Variants in BNC2 observed in about 807,000 individuals in gnomAD.
BNC2 encodes basonuclin zinc finger protein 2, also known as zinc finger protein basonuclin-2.
In BNC2, 20 loss-of-function variants were observed where a neutral mutation model predicts 76.3. The ratio of observed to expected loss-of-function variants is 0.26; its 90% confidence interval spans 0.18 to 0.38. The LOEUF (loss-of-function observed/expected upper bound fraction) is 0.38, where lower values mean the gene tolerates loss of function less well. Among genes scored for constraint, BNC2 ranks in the 10% least tolerant of loss-of-function variants. The probability of loss-of-function intolerance (pLI) is 1.00; values close to 1 mark genes in which losing one functional copy is unlikely to be tolerated. For synonymous variants in BNC2, 582 were observed against 514.8 expected (o/e 1.13, Z -1.77); for missense variants, 1,382 against 1,399.8 (o/e 0.99, Z 0.20).
At chr9:16,587,695 A>G (rs1036415768) in intron 3 of BNC2, among the ~76,000 whole-genome samples, 1 of 152,034 alleles carries the variant, frequency 6.6e-6, no homozygotes, top group African/African-American at 2.4e-5. Context: ...GTGGCTGTCC[A>G]TTCTCCTTGG....
At chr9:16,494,865 G>A (rs1340255013) in intron 5 of BNC2, among the ~76,000 whole-genome samples, 1 of 152,112 alleles carries the variant, frequency 6.6e-6, no homozygotes, top group Non-Finnish European at 1.5e-5. Flanking sequence ...AGCATTAGGA[G>A]AAATACCTAA....
intron 1 of BNC2, among the ~76,000 whole-genome samples, chr9:16,822,670 G>T (rs972459766): frequency 6.6e-6 from 1 of 152,104 alleles, no homozygotes; most frequent in African/African-American, 2.4e-5. Flanking sequence ...CGTGTCAAAT[G>T]CAATAAAGCA....
chr9:16,767,489 G>C (rs1172231146), intron 1 of BNC2, among the ~76,000 whole-genome samples: 1 of 152,122 alleles, frequency 6.6e-6, no homozygotes, highest in African/African-American at 2.4e-5. Flanking sequence ...TTGTAGAGCT[G>C]AGCCTTTCCG....
rs564372021 is a variant in BNC2 at position 16,439,424 on chromosome 9, T to TG, written c.670-1901dup. ...AGGGGACTAATAAAAAATAATTGTGTGATCCTAGACCAGAAAAAAGACATT... is the reference window on the plus strand; with the variant it reads ...AGGGGACTAATAAAAAATAATTGTGTGGATCCTAGACCAGAAAAAAGACATT... On this transcript the variant is annotated intron_variant, in intron 5 of 6. Coordinates refer to ENST00000380672, the MANE Select transcript of BNC2 (RefSeq NM_017637.6). Among the ~76,000 whole-genome samples the TG allele has an allele frequency of 7.3e-4, 111 of 152,292 alleles. 2 individuals carry two copies. Among genetic ancestry groups the TG allele is most frequent in the Admixed American group, 2.2e-3 (33 of 15,286 alleles).
intron 1 of BNC2, among the ~76,000 whole-genome samples, chr9:16,831,086 T>A (rs1330917947): frequency 6.6e-6 from 1 of 152,074 alleles, no homozygotes; most frequent in Non-Finnish European, 1.5e-5. Context: ...CCTAAAACAA[T>A]CAGTGTCAAG....
At chr9:16,858,983 A>G (rs1172247017) in intron 1 of BNC2, among the ~76,000 whole-genome samples, 1 of 152,236 alleles carries the variant, frequency 6.6e-6, no homozygotes, top group East Asian at 1.9e-4. Flanking sequence ...ATAGACATAT[A>G]GACAACTCTT....
intron 5 of BNC2, among the ~76,000 whole-genome samples, chr9:16,495,962 G>T (rs1156555360): frequency 2.7e-5 from 4 of 148,588 alleles, no homozygotes; most frequent in African/African-American, 1.0e-4. Flanking sequence ...AGGCTGAAAT[G>T]CAATGGTGTG....
intron 5 of BNC2, among the ~76,000 whole-genome samples, chr9:16,450,767 G>A (rs868028525): frequency 1.1e-4 from 16 of 152,208 alleles, no homozygotes; most frequent in African/African-American, 3.4e-4. Flanking sequence ...AGCCAGAGTT[G>A]ACAGGCCTTG....
intron 1 of BNC2, among the ~76,000 whole-genome samples, chr9:16,808,221 C>T (rs1477745104): frequency 6.6e-6 from 1 of 152,072 alleles, no homozygotes; most frequent in Non-Finnish European, 1.5e-5. Flanking sequence ...ATAAGAAATA[C>T]ACACTAATAG....
intron 3 of BNC2, among the ~76,000 whole-genome samples, chr9:16,692,086 C>T (rs747687005): frequency 1.9e-4 from 29 of 152,146 alleles, no homozygotes; most frequent in Non-Finnish European, 3.7e-4. Context: ...GCTGGGATTA[C>T]AGGCGTGAGC....
chr9:16,710,582 A>G (rs1168341943), intron 3 of BNC2, among the ~76,000 whole-genome samples: 1 of 152,194 alleles, frequency 6.6e-6, no homozygotes, highest in Non-Finnish European at 1.5e-5. Flanking sequence ...AATTATATAT[A>G]TGCATGTATG....
intron 1 of BNC2, among the ~76,000 whole-genome samples, chr9:16,738,850 C>T (rs1311274759): frequency 6.7e-6 from 1 of 150,302 alleles, no homozygotes; most frequent in Non-Finnish European, 1.5e-5. Flanking sequence ...GCCCCGCTCC[C>T]TTGCCAAGTA....
chr9:16,780,040 T>G (rs539230064), intron 1 of BNC2, among the ~76,000 whole-genome samples: 3 of 150,696 alleles, frequency 2.0e-5, no homozygotes, highest in Non-Finnish European at 4.4e-5. Flanking sequence ...ATCGAGACCA[T>G]CCTGGCTAAC....
At chr9:16,840,649 A>G (rs1818803209) in intron 1 of BNC2, among the ~76,000 whole-genome samples, 1 of 152,184 alleles carries the variant, frequency 6.6e-6, no homozygotes, top group Non-Finnish European at 1.5e-5. Context: ...CCAAAAGCAA[A>G]AAAGAATTAC....
rs1040725463 is a variant in BNC2 at position 16,418,286 on chromosome 9, T to C, written c.*703A>G. On this transcript the variant is annotated 3_prime_UTR_variant, in exon 7 of 7. Coordinates refer to ENST00000380672, the MANE Select transcript of BNC2 (RefSeq NM_017637.6). ...CTAACAGGTAGTAAAAACAAGACCA[T>C]GTTTTTTTCTTTTTTTAAAAATGTG... is the stretch of plus-strand genomic sequence containing the variant. The C allele has an allele frequency of 6.6e-6, 1 of 152,670 alleles. No homozygotes were observed. Among genetic ancestry groups the C allele is most frequent in the Admixed American group, 6.5e-5 (1 of 15,288 alleles). 9.5% of individuals were successfully genotyped at this position (152,670 alleles called of 1,614,324 possible).
intron 1 of BNC2, among the ~76,000 whole-genome samples, chr9:16,848,092 C>T (rs1819032564): frequency 6.6e-6 from 1 of 152,170 alleles, no homozygotes; most frequent in African/African-American, 2.4e-5. Flanking sequence ...AATTAGGAAA[C>T]ATCCAATATT....
chr9:16,707,595 G>A (rs1442054022), intron 3 of BNC2, among the ~76,000 whole-genome samples: 1 of 152,106 alleles, frequency 6.6e-6, no homozygotes, highest in Non-Finnish European at 1.5e-5. Context: ...CTAAAAGAAG[G>A]ATAAGCAATC....
chr9:16,483,405 A>G (rs904688432), intron 5 of BNC2, among the ~76,000 whole-genome samples: 1 of 152,186 alleles, frequency 6.6e-6, no homozygotes. Flanking sequence ...CTATAAAGCT[A>G]TGTGGTTTTG....
At chr9:16,615,389 T>C (rs758660417) in intron 3 of BNC2, among the ~76,000 whole-genome samples, 3 of 152,110 alleles carry the variant, frequency 2.0e-5, no homozygotes, top group Non-Finnish European at 4.4e-5. Flanking sequence ...AGATGATATA[T>C]GCAAGGACTC....
Sources: gnomAD v4.1 joint callset for allele counts (sites outside exome capture counted in the v4.1 genomes callset) on GRCh38, gnomAD v4.1.1 for gene constraint, MANE v1.5 for transcripts, NCBI Gene and HGNC (gene_info 2026-07-23, HGNC 2026-07-21) for gene names.